The following IL17RD variants were observed in gnomAD, a reference collection of about 807,000 sequenced individuals.
IL17RD encodes interleukin 17 receptor D, also known as interleukin-17 receptor D.
A neutral mutation model predicts 80.5 loss-of-function variants in IL17RD; 52 were observed. The ratio of observed to expected loss-of-function variants is 0.65; its 90% CI spans 0.52 to 0.81. The LOEUF (loss-of-function observed/expected upper bound fraction) is 0.81, where lower values mean the gene tolerates loss of function less well. Ranked by LOEUF, IL17RD falls within the 40% of genes least tolerant of loss-of-function variation. IL17RD has a pLI of 0.00. For missense variants in IL17RD, 1,024 were observed against 955.1 expected, an observed-to-expected ratio of 1.07 and a Z score of -0.95; for synonymous variants, 416 against 391.8, an observed-to-expected ratio of 1.06 and a Z score of -0.73.
rs139956045 is a variant in IL17RD, at chr3:57,102,494, G to A, written c.964C>T (p.Arg322Cys). Reference sequence around the variant, plus strand: ...AAAGAGATACCTTGTTGCTTCTTGCGGCACATCACAGTGAAGAGCGTCGCG... The same window carrying A: ...AAAGAGATACCTTGTTGCTTCTTGCAGCACATCACAGTGAAGAGCGTCGCG... ...AFATLFTVMC[R>C]KKQQENIYSH... The change falls in exon 10 of 13, where the codon CGC becomes TGC. Residue 322 changes from arginine to cysteine, a missense_variant. Coordinates refer to ENST00000296318, the MANE Select transcript of IL17RD (RefSeq NM_017563.5). The A allele has an allele frequency of 2.4e-5, 38 of 1,554,702 alleles. No homozygotes were observed. Among genetic ancestry groups the A allele is most frequent in the South Asian group, 9.4e-5 (8 of 85,382 alleles).
At chr3:57,103,508 G>A (rs766353486) in intron 8 of IL17RD, among the ~76,000 whole-genome samples, 1 of 152,184 alleles carries the variant, frequency 6.6e-6, no homozygotes, top group Non-Finnish European at 1.5e-5. Context: ...TTAAGAAGGT[G>A]TATCAGTCAA....
intron 1 of IL17RD, among the ~76,000 whole-genome samples, chr3:57,161,634 C>T (rs1448798177): frequency 1.3e-5 from 2 of 151,986 alleles, no homozygotes; most frequent in African/African-American, 2.4e-5. Flanking sequence ...CCTCCTCCCC[C>T]ACTGCAGGAA....
intron 2 of IL17RD, 96 bp from the exon 3 acceptor site, chr3:57,114,913 G>T: frequency 3.0e-6 from 3 of 994,320 alleles, no homozygotes; most frequent in Non-Finnish European, 4.2e-6. Context: ...TCTGAAGGTG[G>T]CCAAATCCAT....
At chr3:57,138,734 G>C (rs1470521276) in intron 1 of IL17RD, among the ~76,000 whole-genome samples, 1 of 151,894 alleles carries the variant, frequency 6.6e-6, no homozygotes, top group Non-Finnish European at 1.5e-5. Context: ...TTGGGAGCTC[G>C]AGACCAGCCT....
At chr3:57,145,059 A>C (rs1707899363) in intron 1 of IL17RD, among the ~76,000 whole-genome samples, 1 of 152,118 alleles carries the variant, frequency 6.6e-6, no homozygotes, top group South Asian at 2.1e-4. Context: ...TGTCAAACAA[A>C]CTATTTCTGT....
chr3:57,122,642 A>G (rs936714731), intron 1 of IL17RD, among the ~76,000 whole-genome samples: 1 of 151,790 alleles, frequency 6.6e-6, no homozygotes, highest in Admixed American at 6.6e-5. Flanking sequence ...CTGACCCCCC[A>G]GTGCATGGAA....
Position 57,102,469 on chromosome 3 carries a change from A to C in IL17RD, c.979+10T>G. On this transcript the variant is annotated intron_variant, in intron 10 of 12. Coordinates refer to ENST00000296318, the MANE Select transcript of IL17RD (RefSeq NM_017563.5). ...CTTGTTGTGGGGAGACACAGCACAC[A>C]AAGAGATACCTTGTTGCTTCTTGCG... 1.3e-6 allele frequency: 2 copies of C among 1,488,928 alleles called. No homozygotes were observed. Among genetic ancestry groups the C allele is most frequent in the Non-Finnish European group, 1.8e-6 (2 of 1,085,310 alleles). 92.2% of individuals were successfully genotyped at this position (1,488,928 alleles called of 1,614,324 possible). A position where few individuals can be genotyped will look rare whatever the true frequency, so the allele number is the denominator to read the frequency against.
intron 1 of IL17RD, among the ~76,000 whole-genome samples, chr3:57,127,337 A>AT (rs1707504420): frequency 1.3e-5 from 1 of 75,776 alleles, no homozygotes; most frequent in Admixed American, 1.8e-4. Context: ...AATATATATA[A>AT]AAATATATAT....
chr3:57,113,943 T>C (rs1707154977), intron 3 of IL17RD, among the ~76,000 whole-genome samples: 1 of 152,020 alleles, frequency 6.6e-6, no homozygotes, highest in African/African-American at 2.4e-5. Context: ...CCCAGCACTT[T>C]TGGAGGCCGA....
upstream of IL17RD, among the ~76,000 whole-genome samples, chr3:57,167,955 C>G (rs1039033504): frequency 2.6e-5 from 4 of 152,130 alleles, no homozygotes; most frequent in African/African-American, 4.8e-5. Flanking sequence ...CTCAGCCTCC[C>G]GAGTAGCTGG....
chr3:57,121,171 T>C (rs1389152191), intron 1 of IL17RD, among the ~76,000 whole-genome samples: 3 of 152,236 alleles, frequency 2.0e-5, no homozygotes, highest in African/African-American at 7.2e-5. Flanking sequence ...AATTCTGAAA[T>C]GCTAAATGAT....
At chr3:57,167,956 G>A (rs1407121977), upstream of IL17RD, among the ~76,000 whole-genome samples, 6 of 152,012 alleles carry the variant, frequency 3.9e-5, no homozygotes, top group Admixed American at 2.0e-4. Flanking sequence ...TCAGCCTCCC[G>A]AGTAGCTGGG....
At chr3:57,105,167 T>G (rs1706926077) in intron 7 of IL17RD, among the ~76,000 whole-genome samples, 1 of 152,062 alleles carries the variant, frequency 6.6e-6, no homozygotes, top group South Asian at 2.1e-4. Flanking sequence ...AGCCTCTGTT[T>G]CATAGAGTGG....
At chr3:57,118,516 G>T (rs1418620346) in intron 2 of IL17RD, among the ~76,000 whole-genome samples, 1 of 152,148 alleles carries the variant, frequency 6.6e-6, no homozygotes, top group Non-Finnish European at 1.5e-5. Flanking sequence ...CACTAAATAT[G>T]AGTCAAGTTC....
rs1706548796 is a variant in IL17RD, at chr3:57,091,332, T to C, written c.*5061A>G. On this transcript the variant is annotated 3_prime_UTR_variant, in exon 13 of 13. Transcript: ENST00000296318. The stretch of plus-strand genomic sequence containing the variant: ...AAACACAAGTTATGATAGATGACTA[T>C]CATCAGGGGAAAAATGTGGCAGTCA... 1 of 152,594 alleles carries C rather than the reference T, an allele frequency of 6.6e-6. No homozygotes were observed. The highest frequency in any genetic ancestry group is 6.5e-5 in the Admixed American group (1 of 15,280). The allele number at this position is 152,594 out of a possible 1,614,324, so 9.5% of individuals were successfully genotyped here.
At position 57,105,885 on chromosome 3, in the gene IL17RD, C is replaced by T; in HGVS notation, c.719G>A (p.Gly240Glu). Residue 240 changes from glycine to glutamate, a missense_variant, in exon 7 of 13, where the codon GGA becomes GAA. By Grantham distance (98) the Gly-to-Glu change is moderately conservative (BLOSUM62 -2). Transcript: ENST00000296318. ...FYLHYKLKHE[G>E]PFKRKTCKQE... ...CTTACAGGTCTTTCGCTTGAAAGGT[C>T]CTTCGTGCTTGAGCTTGTAGTGAAG... 1 of 1,613,884 alleles carries T rather than the reference C, an allele frequency of 6.2e-7. No homozygotes were observed. Among genetic ancestry groups the T allele is most frequent in the South Asian group, 1.1e-5 (1 of 91,048 alleles).
At chr3:57,113,514 G>A (rs1429211060) in intron 3 of IL17RD, among the ~76,000 whole-genome samples, 2 of 152,280 alleles carry the variant, frequency 1.3e-5, no homozygotes, top group East Asian at 1.9e-4. Flanking sequence ...TGGAATTACA[G>A]GCATGAGCCA....
In IL17RD at chr3:57,129,795, G is replaced by A. The variant is rs1460560426; in HGVS notation, c.127-9482C>T. On this transcript the variant is annotated intron_variant, in intron 1 of 12. Coordinates refer to ENST00000296318, the MANE Select transcript of IL17RD (RefSeq NM_017563.5). ...TTAAGTCTGTCCACATGGTGGTCTC[G>A]GACAGAAAAACCTTAAAATAACAGT... 4.6e-5 allele frequency among the ~76,000 whole-genome samples: 7 copies of A among 152,298 alleles called. No homozygotes were observed. The East Asian group carries it at 7.7e-4, about 17-fold the overall frequency.
chr3:57,159,326 T>C (rs1287485690), intron 1 of IL17RD, among the ~76,000 whole-genome samples: 2 of 152,206 alleles, frequency 1.3e-5, no homozygotes, highest in Non-Finnish European at 2.9e-5. Flanking sequence ...TGAGGGCTTG[T>C]GTCTTTTCAA....
Sources: allele counts gnomAD v4.1 joint callset (sites outside exome capture counted in the v4.1 genomes callset), GRCh38; gene constraint gnomAD v4.1.1; transcripts MANE v1.5; gene names NCBI Gene and HGNC (gene_info 2026-07-23, HGNC 2026-07-21).